The following RBFOX1 variants were observed in gnomAD, a reference collection of about 807,000 sequenced individuals.
The protein encoded by RBFOX1 is RNA binding fox-1 homolog 1, also known as RNA binding protein fox-1 homolog 1.
Under a neutral mutation model 57.7 loss-of-function variants are expected in RBFOX1, and 8 were observed. The ratio of observed to expected loss-of-function variants is 0.14; its 90% confidence interval spans 0.08 to 0.25. The LOEUF is 0.25. RBFOX1 is among the 10% of genes least tolerant of loss of function. The probability of loss-of-function intolerance (pLI) is 1.00; values close to 1 mark genes in which losing one functional copy is unlikely to be tolerated. For missense variants in RBFOX1, 611 were observed against 548.5 expected (o/e 1.11, Z -1.14); for synonymous variants, 326 against 222.4 (o/e 1.47, Z -4.15).
intron 4 of RBFOX1, among the ~76,000 whole-genome samples, chr16:7,228,340 C>T (rs1268984229): frequency 6.6e-6 from 1 of 152,064 alleles, no homozygotes; most frequent in Non-Finnish European, 1.5e-5. Context: ...ATCAAGGGTT[C>T]CTTTTTATCT....
intron 1 of RBFOX1, among the ~76,000 whole-genome samples, chr16:5,376,548 C>A (rs1247103275): frequency 6.6e-6 from 1 of 152,058 alleles, no homozygotes; most frequent in African/African-American, 2.4e-5. Flanking sequence ...GCAGAGGAGG[C>A]AGTTGATGAA....
chr16:5,949,923 C>G (rs925127289), intron 4 of RBFOX1, among the ~76,000 whole-genome samples: 1 of 152,184 alleles, frequency 6.6e-6, no homozygotes, highest in Non-Finnish European at 1.5e-5. Flanking sequence ...TAATCTGGGC[C>G]TCTCTGACTG....
At chr16:6,883,937 C>T (rs1416979688) in intron 3 of RBFOX1, among the ~76,000 whole-genome samples, 1 of 152,028 alleles carries the variant, frequency 6.6e-6, no homozygotes, top group East Asian at 1.9e-4. Context: ...GTACAAATGA[C>T]GTTGCTACTT....
At chr16:7,409,955 A>G (rs536534737) in intron 4 of RBFOX1, among the ~76,000 whole-genome samples, 39 of 152,264 alleles carry the variant, frequency 2.6e-4, no homozygotes, top group African/African-American at 9.4e-4. Flanking sequence ...CTGAGCTGAC[A>G]TTTCTCTAAC....
rs140975087 is a variant in RBFOX1, at chr16:7,240,574, A to G, written c.27+188476A>G. Among the ~76,000 whole-genome samples, 820 of 152,044 alleles carry G rather than the reference A, an allele frequency of 5.4e-3. 1 individual carries two copies. Among genetic ancestry groups the G allele is most frequent in the Middle Eastern group, 0.031 (9 of 294 alleles). ...TGTTTGTTTTTGTTTGTTTGTTTTG[A>G]GACAGGGTCTCACTTTGTCACCCAG... On this transcript the variant is annotated intron_variant, in intron 4 of 15. Transcript: ENST00000550418.
intron 5 of RBFOX1, among the ~76,000 whole-genome samples, chr16:7,527,904 C>T (rs1028214790): frequency 6.6e-6 from 1 of 152,086 alleles, no homozygotes; most frequent in African/African-American, 2.4e-5. Context: ...GTGAAATTTC[C>T]CGTTTCAAGT....
At chr16:6,358,860 A>C (rs1248282408) in intron 2 of RBFOX1, among the ~76,000 whole-genome samples, 10 of 152,186 alleles carry the variant, frequency 6.6e-5, no homozygotes, top group Non-Finnish European at 1.5e-4. Flanking sequence ...GAGGGGAGAA[A>C]GTGCTGTTTG....
intron 3 of RBFOX1, among the ~76,000 whole-genome samples, chr16:5,794,150 C>G (rs1262621873): frequency 6.6e-6 from 1 of 152,116 alleles, no homozygotes; most frequent in Non-Finnish European, 1.5e-5. Context: ...TTTTCTTTAT[C>G]CGTAAAGTGA....
At chr16:6,255,556 C>T (rs983868271) in intron 1 of RBFOX1, among the ~76,000 whole-genome samples, 19 of 152,000 alleles carry the variant, frequency 1.3e-4, no homozygotes, top group African/African-American at 4.1e-4. Context: ...AGGTGGGTGC[C>T]AACAGGAGGA....
At chr16:6,235,290 C>G (rs190701202) in intron 1 of RBFOX1, among the ~76,000 whole-genome samples, 11 of 152,224 alleles carry the variant, frequency 7.2e-5, no homozygotes, top group Middle Eastern at 6.8e-3. Context: ...GAATGAATCA[C>G]AAGGTGCAAT....
chr16:6,501,731 G>A (rs1389087179), intron 2 of RBFOX1, among the ~76,000 whole-genome samples: 3 of 152,074 alleles, frequency 2.0e-5, no homozygotes, highest in Admixed American at 6.5e-5. Flanking sequence ...TGTACTGGGC[G>A]CTGTGCTGGG....
chr16:7,274,027 C>G (rs1329744870), intron 4 of RBFOX1, among the ~76,000 whole-genome samples: 1 of 152,116 alleles, frequency 6.6e-6, no homozygotes, highest in Non-Finnish European at 1.5e-5. Context: ...TAAAATACAA[C>G]ACTTAGATAT....
chr16:6,073,697 T>C (rs932083064), intron 1 of RBFOX1, among the ~76,000 whole-genome samples: 2 of 152,202 alleles, frequency 1.3e-5, no homozygotes, highest in African/African-American at 4.8e-5. Context: ...TGTAAGTGTA[T>C]AAATTTTAAT....
chr16:5,615,695 A>G (rs2047997513), intron 3 of RBFOX1, among the ~76,000 whole-genome samples: 1 of 152,202 alleles, frequency 6.6e-6, no homozygotes, highest in South Asian at 2.1e-4. Flanking sequence ...TGTGTCAAGA[A>G]GGGGGCAGAT....
In RBFOX1 at chr16:6,507,144, G is replaced by A. The variant is rs183320941; in HGVS notation, c.-63-147459G>A. Among the ~76,000 whole-genome samples the A allele has an allele frequency of 2.2e-3, 332 of 152,158 alleles. 2 individuals carry two copies. In the Middle Eastern group the frequency reaches 0.034, roughly 16 times the overall value. On this transcript the variant is annotated intron_variant, in intron 2 of 15. Transcript: ENST00000550418. The stretch of plus-strand genomic sequence containing the variant: ...TGCCTCAGCCTTCTGAGCCAGCATC[G>A]TTCCTCACCTCCACTGCAGAGATGG...
chr16:6,483,319 G>T (rs1378704690), intron 2 of RBFOX1: 2 of 1,430,682 alleles, frequency 1.4e-6, no homozygotes, highest in Admixed American at 5.0e-5. Context: ...CGCGCTCGGG[G>T]CGTTCTGCAC....
rs2062504997 is a variant in RBFOX1 at position 5,253,388 on chromosome 16, G to A, written c.219+13283G>A. On this transcript the variant is annotated intron_variant, in intron 1 of 2. Transcript: ENST00000585867. ...GCTGGTCTTGAACTCCTGACCTCAGGTGATCCACCCACCTCGGCCTCCCAA... is the reference window on the plus strand; with the variant it reads ...GCTGGTCTTGAACTCCTGACCTCAGATGATCCACCCACCTCGGCCTCCCAA... Among the ~76,000 whole-genome samples, 4 of 152,102 alleles carry A rather than the reference G, an allele frequency of 2.6e-5. No individual in the cohort carries two copies. The South Asian group carries it at 8.3e-4, about 32-fold the overall frequency.
At chr16:6,426,994 G>C (rs1211921139) in intron 2 of RBFOX1, among the ~76,000 whole-genome samples, 1 of 152,090 alleles carries the variant, frequency 6.6e-6, no homozygotes, top group Non-Finnish European at 1.5e-5. Context: ...TTGAGTTTCT[G>C]TGATTCCAAT....
chr16:6,171,569 T>C (rs542431775), intron 1 of RBFOX1, among the ~76,000 whole-genome samples: 1 of 152,282 alleles, frequency 6.6e-6, no homozygotes, highest in East Asian at 1.9e-4. Context: ...TGCAAATGTC[T>C]TGCCATGAAC....
Sources: allele counts gnomAD v4.1 joint callset (sites outside exome capture counted in the v4.1 genomes callset), GRCh38; gene constraint gnomAD v4.1.1; transcripts MANE v1.5; gene names NCBI Gene and HGNC (gene_info 2026-07-23, HGNC 2026-07-21).